The following CENPF variants were observed in gnomAD, a reference collection of about 807,000 sequenced individuals.
CENPF encodes AH antigen.
A neutral mutation model predicts 307.3 loss-of-function variants in CENPF; 214 were observed. The observed-to-expected ratio is 0.70, with a 90% CI of 0.62 to 0.78. The LOEUF is 0.78. Ranked by LOEUF, CENPF falls within the 30% of genes least tolerant of loss-of-function variation. CENPF has a pLI of 0.00. For missense variants in CENPF, 3,401 were observed against 3,483.9 expected (o/e 0.98, Z 0.60); for synonymous variants, 1,259 against 1,270.6 (o/e 0.99, Z 0.19).
intron 19 of CENPF, among the ~76,000 whole-genome samples, chr1:214,660,944 A>G (rs189226667): frequency 8.7e-4 from 133 of 152,366 alleles, no homozygotes; most frequent in Non-Finnish European, 6.9e-4. Context: ...AAGTGATTGC[A>G]TTAATAGATG....
chr1:214,626,466 T>C (rs913923108), intron 7 of CENPF, among the ~76,000 whole-genome samples: 89 of 152,192 alleles, frequency 5.8e-4, no homozygotes, highest in African/African-American at 2.1e-3. Flanking sequence ...ACAGAGAAAT[T>C]CTGGAAAAAG....
chr1:214,645,596 T>C lies in CENPF; in HGVS notation c.6026T>C (p.Val2009Ala), dbSNP rs202092147. ...LHCIQVAEAE[V>A]KEKTELLQTL... ...TGCATTCAGGTGGCAGAGGCAGAGG[T>C]GAAGGAAAAGACGGAACTCCTTCAG... Residue 2009 changes from valine (V) to alanine (A), a missense_variant, in exon 13 of 20, where the codon GTG becomes GCG. Transcript: ENST00000366955. 1.8e-4 allele frequency: 292 copies of C among 1,613,830 alleles called. 1 individual carries two copies. Among genetic ancestry groups the C allele is most frequent in the Non-Finnish European group, 1.7e-4 (201 of 1,179,984 alleles).
chr1:214,615,212 TTTGGTTTTATCATTGC>T, intron 3 of CENPF, 184 bp downstream of exon 3: 1 of 463,086 alleles, frequency 2.2e-6, no homozygotes, highest in Non-Finnish European at 3.9e-6. Context: ...CAAACAGTGA[TTTGGTTTTATCATTGC>T]ATAGCTCAGT....
In CENPF at chr1:214,645,661, ACT is replaced by A. The variant is rs1223251453; in HGVS notation, c.6093_6094del (p.His2032SerfsTer21). 6.2e-7 allele frequency: 1 copy of A among 1,613,924 alleles called. No homozygotes were observed. Among genetic ancestry groups the A allele is most frequent in the African/African-American group, 1.3e-5 (1 of 74,876 alleles). On this transcript the variant is annotated frameshift_variant, in exon 13 of 20. Transcript: ENST00000366955. LOFTEE classifies it high-confidence loss of function. The stretch of plus-strand genomic sequence containing the variant: ...TGTGAGTGAGCTGTTAAAAGACAAA[ACT>A]CATCTCCAGGAAAAGCTGCAGAGTT... ...SDVSELLKDK[T>X]HLQEKLQSLE...
Position 214,663,875 on chromosome 1 carries a change from C to A in CENPF, c.*81C>A. On this transcript the variant is annotated 3_prime_UTR_variant, in exon 20 of 20. Coordinates refer to ENST00000366955, the MANE Select transcript of CENPF (RefSeq NM_016343.4). ...TGTGCCTACAGGACTTCTCTTTAGT[C>A]AGGGCATGCTTTATTAGTGAGGAGA... is the stretch of plus-strand genomic sequence containing the variant. 1 of 1,101,886 alleles carries A rather than the reference C, an allele frequency of 9.1e-7. No homozygotes were observed. The highest frequency in any genetic ancestry group is 1.3e-6 in the Non-Finnish European group (1 of 758,530). 68.3% of individuals were successfully genotyped at this position (1,101,886 alleles called of 1,614,324 possible). A position where few individuals can be genotyped will look rare whatever the true frequency, so the allele number is the denominator to read the frequency against.
At chr1:214,630,461 A>T (rs966790372) in intron 8 of CENPF, 73 bp from the exon 9 acceptor site, 6 of 1,577,068 alleles carry the variant, frequency 3.8e-6, no homozygotes, top group East Asian at 2.2e-5. Context: ...GCCTGTTAGG[A>T]TGCTCATGCC....
In CENPF at chr1:214,613,778, G is replaced by A; in HGVS notation, c.24G>A (p.Trp8Ter). 6.2e-7 allele frequency: 1 copy of A among 1,607,376 alleles called. No homozygotes were observed. Among genetic ancestry groups the A allele is most frequent in the Non-Finnish European group, 8.5e-7 (1 of 1,177,936 alleles). The change falls in exon 2 of 20, where the codon TGG becomes TGA. Residue 8 changes from tryptophan (W) to a stop codon, truncating the protein, a stop_gained. Coordinates refer to ENST00000366955, the MANE Select transcript of CENPF (RefSeq NM_016343.4). LOFTEE classifies it high-confidence loss of function. ...AAATGAGCTGGGCTTTGGAAGAATG[G>A]AAAGAAGGGCTGCCTACAAGAGCTC... is the stretch of plus-strand genomic sequence containing the variant. The part of the protein sequence containing the change: MSWALEE[W>*]KEGLPTRALQ...
At chr1:214,629,304 A>C in intron 8 of CENPF, 133 bp downstream of exon 8, 2 of 825,256 alleles carry the variant, frequency 2.4e-6, no homozygotes, top group Non-Finnish European at 3.5e-6. Flanking sequence ...TTTGTGAGCT[A>C]AAGGTCATCT....
chr1:214,614,054 C>CTTTATTACTCCA, intron 2 of CENPF, 138 bp downstream of exon 2: 1 of 813,698 alleles, frequency 1.2e-6, no homozygotes. Context: ...TTGCTGTCTT[C>CTTTATTACTCCA]AGGTGGTAAT....
chr1:214,609,322 C>G (rs1187378071), intron 1 of CENPF, among the ~76,000 whole-genome samples: 1 of 152,202 alleles, frequency 6.6e-6, no homozygotes, highest in Non-Finnish European at 1.5e-5. Context: ...GGCATTCACT[C>G]TTCATTCATG....
At chr1:214,613,607 G>C in intron 1 of CENPF, 107 bp from the exon 2 acceptor site, 1 of 718,928 alleles carries the variant, frequency 1.4e-6, no homozygotes, top group Admixed American at 3.2e-5. Flanking sequence ...CTTTTGAAAT[G>C]TGGTCTTGAA....
chr1:214,618,897 C>G (rs1209132961), intron 4 of CENPF, among the ~76,000 whole-genome samples: 3 of 152,154 alleles, frequency 2.0e-5, no homozygotes, highest in Non-Finnish European at 4.4e-5. Context: ...TTTACTTTAT[C>G]CTTCTGTGGC....
At chr1:214,658,065 C>T (rs1219790457) in intron 18 of CENPF, among the ~76,000 whole-genome samples, 2 of 152,158 alleles carry the variant, frequency 1.3e-5, no homozygotes, top group Non-Finnish European at 2.9e-5. Context: ...ACCCCCTCTG[C>T]CCCCAAATAT....
intron 11 of CENPF, among the ~76,000 whole-genome samples, chr1:214,638,837 C>T (rs1237954606): frequency 6.6e-6 from 1 of 152,164 alleles, no homozygotes; most frequent in Non-Finnish European, 1.5e-5. Flanking sequence ...CCCAATCTTC[C>T]CAAGACAGCT....
At position 214,641,833 on chromosome 1, in the gene CENPF, A is replaced by C; in HGVS notation, c.3495A>C (p.Glu1165Asp). 1 of 1,609,040 alleles carries C rather than the reference A, an allele frequency of 6.2e-7. No individual in the cohort carries two copies. The highest frequency in any genetic ancestry group is 8.5e-7 in the Non-Finnish European group (1 of 1,178,864). The change falls in exon 12 of 20, where the codon GAA becomes GAC. Residue 1165 changes from glutamate (E) to aspartate (D), a missense_variant. By Grantham distance (45) the Glu-to-Asp change is conservative (BLOSUM62 2). Transcript: ENST00000366955. ...TGAAGGTAATGAAGACTAAACATGA[A>C]TGTCAAAATCTAGAATCAGAACCAA... ...QLMKVMKTKH[E>D]CQNLESEPIR...
At chr1:214,663,395 T>C (rs1482698311) in intron 19 of CENPF, among the ~76,000 whole-genome samples, 196 bp from the exon 20 acceptor site, 2 of 152,092 alleles carry the variant, frequency 1.3e-5, no homozygotes, top group African/African-American at 4.8e-5. Flanking sequence ...TGATGACTGG[T>C]TAGAGGTTGT....
chr1:214,642,356 G>C lies in CENPF; in HGVS notation c.4018G>C (p.Gly1340Arg). ...TATRKMAEEV[G>R]KLLNEVKILN... ...AACTAGGAAAATGGCAGAAGAGGTAGGGAAACTACTAAATGAAGTTAAAAT... is the reference window on the plus strand; with the variant it reads ...AACTAGGAAAATGGCAGAAGAGGTACGGAAACTACTAAATGAAGTTAAAAT... The change falls in exon 12 of 20, where the codon GGG becomes CGG. Residue 1340 changes from glycine to arginine, a missense_variant. By Grantham distance (125) the Gly-to-Arg change is moderately radical. Transcript: ENST00000366955. 1 of 1,613,252 alleles carries C rather than the reference G, an allele frequency of 6.2e-7. No individual in the cohort carries two copies. The highest frequency in any genetic ancestry group is 8.5e-7 in the Non-Finnish European group (1 of 1,179,770).
At chr1:214,610,019 C>CTTTTTTTTT (rs34695664) in intron 1 of CENPF, among the ~76,000 whole-genome samples, 2 of 130,376 alleles carry the variant, frequency 1.5e-5, no homozygotes, top group Non-Finnish European at 3.3e-5. Flanking sequence ...GTGCATGTGC[C>CTTTTTTTTT]TTTTTTTTTT....
intron 7 of CENPF, among the ~76,000 whole-genome samples, chr1:214,627,462 C>A (rs953713795): frequency 2.0e-5 from 3 of 151,340 alleles, no homozygotes; most frequent in African/African-American, 7.3e-5. Flanking sequence ...CAACCTCCGC[C>A]TCCTGGGTTC....
Sources: gnomAD v4.1 joint callset for allele counts (sites outside exome capture counted in the v4.1 genomes callset) on GRCh38, gnomAD v4.1.1 for gene constraint, MANE v1.5 for transcripts, NCBI Gene and HGNC (gene_info 2026-07-23, HGNC 2026-07-21) for gene names.